The following SPPL2B variants were observed in gnomAD, a reference collection of about 807,000 sequenced individuals.
SPPL2B encodes signal peptide peptidase-like 2B.
In SPPL2B, 39 loss-of-function variants were observed where a neutral mutation model predicts 59.7. That is an observed-to-expected ratio of 0.65 (90% CI 0.51 to 0.85). The LOEUF is 0.85. SPPL2B is among the 40% of genes least tolerant of loss of function. The pLI, the probability that SPPL2B is intolerant of heterozygous loss-of-function variation, is 0.00. For missense variants in SPPL2B, 865 were observed against 849.0 expected (o/e 1.02, Z -0.23); for synonymous variants, 419 against 370.8 (o/e 1.13, Z -1.49).
Position 2,344,409 on chromosome 19 carries a change from A to G in SPPL2B, c.1161A>G (p.Ser387=). The G allele has an allele frequency of 6.4e-7, 1 of 1,562,048 alleles. No homozygotes were observed. The highest frequency in any genetic ancestry group is 1.9e-5 in the Admixed American group (1 of 52,934). ...MVEVATGPSD[S]ATREKLPMVL... is the part of the protein sequence containing the mutation. Reference sequence around the variant, plus strand: ...AGGTGGCCACTGGGCCCTCGGACTCAGCCACCCGTGAGAAGGTGTGTCTTC... The same window carrying G: ...AGGTGGCCACTGGGCCCTCGGACTCGGCCACCCGTGAGAAGGTGTGTCTTC... The change falls in exon 11 of 15, where the codon TCA becomes TCG. Residue 387 remains serine, a synonymous_variant. Transcript: ENST00000613503.
chr19:2,337,747 G>A, intron 3 of SPPL2B, 122 bp downstream of exon 3: 2 of 1,040,974 alleles, frequency 1.9e-6, no homozygotes, highest in Non-Finnish European at 2.7e-6. Flanking sequence ...ATCCATCTGT[G>A]GGGAGGATCT....
rs781343242 is a variant in SPPL2B at position 2,328,748 on chromosome 19, G to T, written c.39G>T (p.Leu13Phe). 2.1e-6 allele frequency: 3 copies of T among 1,462,820 alleles called. No homozygotes were observed. The highest frequency in any genetic ancestry group is 5.7e-5 in the East Asian group (2 of 35,194). 90.6% of individuals were successfully genotyped at this position (1,462,820 alleles called of 1,614,324 possible). Residue 13 changes from leucine to phenylalanine, a missense_variant, in exon 1 of 15, where the codon TTG becomes TTT. Physicochemically the swap from Leu to Phe is conservative, Grantham distance 22. Coordinates refer to ENST00000613503, the MANE Select transcript of SPPL2B (RefSeq NM_152988.3). ...TGGCGGCTGCGCTGGCGCGGCTTTT[G>T]GCGGCCTTTCTGCTCCTCGCGGCCC... ...AAVAAALARLLAAFLLLAAQV... is the reference protein window; with the variant it reads ...AAVAAALARLFAAFLLLAAQV...
At position 2,339,282 on chromosome 19, in the gene SPPL2B, AG is replaced by A; in HGVS notation, c.599+75del. The A allele has an allele frequency of 2.0e-6, 3 of 1,523,088 alleles. No individual in the cohort carries two copies. The South Asian group carries it at 3.6e-5, about 18-fold the overall frequency. The allele number at this position is 1,523,088 out of a possible 1,614,324, so 94.3% of individuals were successfully genotyped here. A position where few individuals can be genotyped will look rare whatever the true frequency, so the allele number is the denominator to read the frequency against. The stretch of plus-strand genomic sequence containing the variant: ...CACGGGCCGGGACGGCCAGTCTTCC[AG>A]AACAGCAGTGAGTGCTTTGGCCTCG... On this transcript the variant is annotated intron_variant, in intron 5 of 14. Transcript: ENST00000613503.
chr19:2,353,322 CG>C lies in SPPL2B; in HGVS notation c.*114del. ...TGTCCCCCGGGACCGAGGCCTGTGC[CG>C]TCCCCACCCGCCCCAACATGGTGCT... On this transcript the variant is annotated 3_prime_UTR_variant, in exon 15 of 15. Coordinates refer to ENST00000613503, the MANE Select transcript of SPPL2B (RefSeq NM_152988.3). 1 of 1,269,680 alleles carries C rather than the reference CG, an allele frequency of 7.9e-7. No homozygotes were observed. The highest frequency in any genetic ancestry group is 1.1e-6 in the Non-Finnish European group (1 of 946,494). The allele number at this position is 1,269,680 out of a possible 1,614,324, so 78.7% of individuals were successfully genotyped here. A position where few individuals can be genotyped will look rare whatever the true frequency, so the allele number is the denominator to read the frequency against.
intron 13 of SPPL2B, among the ~76,000 whole-genome samples, chr19:2,350,326 CCA>C (rs1243195226): frequency 2.0e-5 from 3 of 147,992 alleles, no homozygotes; most frequent in Middle Eastern, 3.5e-3. Flanking sequence ...CGTTCTCTCT[CCA>C]CACACACACT....
chr19:2,351,231 G>A (rs1383264486), intron 13 of SPPL2B, among the ~76,000 whole-genome samples: 4 of 152,212 alleles, frequency 2.6e-5, no homozygotes, highest in African/African-American at 9.6e-5. Flanking sequence ...TAGGGTCAGG[G>A]TGGGATTGTG....
chr19:2,349,843 TCA>T (rs2145203767), intron 13 of SPPL2B, among the ~76,000 whole-genome samples: 1 of 127,250 alleles, frequency 7.9e-6, no homozygotes, highest in East Asian at 2.5e-4. Flanking sequence ...CCACACACAC[TCA>T]CGCTCTCATT....
intron 3 of SPPL2B, 156 bp from the exon 4 acceptor site, chr19:2,338,596 C>T (rs952915010): frequency 6.2e-5 from 36 of 579,902 alleles, no homozygotes; most frequent in Admixed American, 1.6e-4. Flanking sequence ...CCTGGGGGGC[C>T]GGAGGCTGTC....
chr19:2,336,587 C>T (rs1968631218), intron 2 of SPPL2B, among the ~76,000 whole-genome samples: 1 of 150,728 alleles, frequency 6.6e-6, no homozygotes, highest in Non-Finnish European at 1.5e-5. Flanking sequence ...CTTGAGTGCA[C>T]AGGTATGTGC....
intron 13 of SPPL2B, among the ~76,000 whole-genome samples, chr19:2,348,996 A>ACG (rs374569578): frequency 9.2e-5 from 9 of 97,838 alleles, no homozygotes; most frequent in South Asian, 3.4e-4. Context: ...ACACACACTC[A>ACG]CGCTCTCATT....
chr19:2,352,073 C>T (rs1310229047), intron 14 of SPPL2B, among the ~76,000 whole-genome samples: 1 of 152,178 alleles, frequency 6.6e-6, no homozygotes, highest in Admixed American at 6.5e-5. Flanking sequence ...TGTCCCCTGT[C>T]CCCCTTGGCA....
chr19:2,344,203 ACCT>A (rs1335620554), intron 10 of SPPL2B, among the ~76,000 whole-genome samples, 156 bp from the exon 11 acceptor site: 1 of 39,378 alleles, frequency 2.5e-5, no homozygotes, highest in African/African-American at 1.1e-4. Context: ...CACCCCGCTC[ACCT>A]CCACCCCATC....
chr19:2,342,029 A>T (rs1969089408), intron 8 of SPPL2B: 1 of 166,142 alleles, frequency 6.0e-6, no homozygotes, highest in African/African-American at 2.4e-5. Context: ...TCTCCCATGG[A>T]GGCCTCTGCT....
At position 2,344,705 on chromosome 19, in the gene SPPL2B, C is replaced by T. The variant is rs541365376; in HGVS notation, c.1276+53C>T. The T allele has an allele frequency of 6.6e-5, 81 of 1,228,964 alleles. No individual in the cohort carries two copies. In the Middle Eastern group the frequency reaches 2.8e-3, roughly 43 times the overall value. The allele number at this position is 1,228,964 out of a possible 1,614,324, so 76.1% of individuals were successfully genotyped here. On this transcript the variant is annotated intron_variant, in intron 12 of 14. Coordinates refer to ENST00000613503, the MANE Select transcript of SPPL2B (RefSeq NM_152988.3). ...CCACGCTGTGGGGCAGGGCCCCGGGCGGCTGAGGTTTGCCTTTGGGAGTGA... is the reference window on the plus strand; with the variant it reads ...CCACGCTGTGGGGCAGGGCCCCGGGTGGCTGAGGTTTGCCTTTGGGAGTGA...
rs946471551 is a variant in SPPL2B, at chr19:2,345,254, G to A, written c.1278G>A (p.Gly426=). ...GCCTCCGCCCTGTGCCTCCCCCAGGGCTGCTGGTGGCCTACTGCCACAGGT... is the reference window on the plus strand; with the variant it reads ...GCCTCCGCCCTGTGCCTCCCCCAGGACTGCTGGTGGCCTACTGCCACAGGT... The part of the protein sequence containing the change: ...LLGFGDILVP[G]LLVAYCHRFD... The change falls in exon 13 of 15, where the codon GGG becomes GGA. Residue 426 remains glycine, a splice_region_variant and synonymous_variant. Transcript: ENST00000613503. The A allele has an allele frequency of 6.2e-7, 1 of 1,612,618 alleles. No homozygotes were observed. Among genetic ancestry groups the A allele is most frequent in the Non-Finnish European group, 8.5e-7 (1 of 1,179,524 alleles).
rs938479142 is a variant in SPPL2B at position 2,339,229 on chromosome 19, G to T, written c.599+21G>T. ...AAGAAGTGAGTTTCGCATCGTGCGT[G>T]TGCTGTGACGGGGTCGGGCGGCTCT... On this transcript the variant is annotated intron_variant, in intron 5 of 14. Transcript: ENST00000613503. The T allele has an allele frequency of 1.9e-6, 3 of 1,596,324 alleles. No individual in the cohort carries two copies. The Admixed American group carries it at 5.2e-5, about 28-fold the overall frequency.
chr19:2,334,643 C>T lies in SPPL2B; in HGVS notation c.108C>T (p.Ala36=), dbSNP rs541484404. The change falls in exon 2 of 15, where the codon GCC becomes GCT. Residue 36 remains alanine, a synonymous_variant. Transcript: ENST00000613503. ...GCATGGTGCACGTGGTCTCCCAGGC[C>T]GGGGGCCCCGAAGGCAAAGACTACT... ...EYGMVHVVSQ[A]GGPEGKDYCI... The T allele has an allele frequency of 1.1e-4, 171 of 1,612,870 alleles. 2 individuals carry two copies. In the East Asian group the frequency reaches 3.4e-3, roughly 32 times the overall value.
chr19:2,342,101 T>C (rs1001501579), intron 8 of SPPL2B: 2 of 154,854 alleles, frequency 1.3e-5, no homozygotes, highest in Non-Finnish European at 2.9e-5. Flanking sequence ...CCTTTGATGT[T>C]TGAGACGCTG....
chr19:2,348,039 TCA>T lies in SPPL2B; in HGVS notation c.1354+2711_1354+2712del, dbSNP rs757725267. 3.0e-3 allele frequency among the ~76,000 whole-genome samples: 202 copies of T among 68,114 alleles called. 4 individuals are homozygous for T. The highest frequency in any genetic ancestry group is 0.012 in the African/African-American group (176 of 14,474). 44.7% of individuals were successfully genotyped at this position (68,114 alleles called of 152,430 possible). Reference sequence around the variant, plus strand: ...CCGTTCTCTCCCTCCACACACAGACTCACGCGCTCTCATTCGCTTGATTCCAT... The same window carrying T: ...CCGTTCTCTCCCTCCACACACAGACTCGCGCTCTCATTCGCTTGATTCCAT... On this transcript the variant is annotated intron_variant, in intron 13 of 14. Transcript: ENST00000613503.
Sources: gnomAD v4.1 joint callset for allele counts (sites outside exome capture counted in the v4.1 genomes callset) on GRCh38, gnomAD v4.1.1 for gene constraint, MANE v1.5 for transcripts, NCBI Gene and HGNC (gene_info 2026-07-23, HGNC 2026-07-21) for gene names.